Variants in EYS observed in about 807,000 individuals in gnomAD.
EYS encodes the protein protein eyes shut homolog.
A neutral mutation model predicts 282.1 loss-of-function variants in EYS; 250 were observed. That is an observed-to-expected ratio of 0.89 (90% CI 0.80 to 0.98). The LOEUF is 0.98. EYS is among the 50% of genes least tolerant of loss of function. The pLI is 0.00. For synonymous variants in EYS, 1,355 were observed against 1,282.9 expected, an observed-to-expected ratio of 1.06 and a Z score of -1.20; for missense variants, 4,016 against 3,709.0, an observed-to-expected ratio of 1.08 and a Z score of -2.15.
At chr6:64,069,912 A>G (rs1220301029) in intron 32 of EYS, among the ~76,000 whole-genome samples, 1 of 152,076 alleles carries the variant, frequency 6.6e-6, no homozygotes, top group Non-Finnish European at 1.5e-5. Flanking sequence ...AAGTAATTAT[A>G]TTTTTTTCAA....
At chr6:65,246,734 G>A (rs920037575) in intron 12 of EYS, among the ~76,000 whole-genome samples, 3 of 152,036 alleles carry the variant, frequency 2.0e-5, no homozygotes, top group African/African-American at 4.8e-5. Context: ...ATGCGTGCTC[G>A]CTCGCACTCT....
intron 31 of EYS, among the ~76,000 whole-genome samples, chr6:64,130,061 C>T (rs999335781): frequency 4.6e-5 from 7 of 152,054 alleles, no homozygotes; most frequent in African/African-American, 1.4e-4. Flanking sequence ...AGTCAGGTAG[C>T]GTGATGCCTC....
At chr6:63,988,346 A>G (rs1237838900) in intron 34 of EYS, among the ~76,000 whole-genome samples, 4 of 151,612 alleles carry the variant, frequency 2.6e-5, no homozygotes, top group African/African-American at 9.7e-5. Flanking sequence ...GAATGGAAGA[A>G]TACCCTCCTT....
intron 26 of EYS, among the ~76,000 whole-genome samples, chr6:64,572,343 G>C (rs953835639): frequency 6.6e-6 from 1 of 152,146 alleles, no homozygotes; most frequent in Non-Finnish European, 1.5e-5. Flanking sequence ...AAAGCTGGAC[G>C]CATTCCCTTT....
intron 1 of EYS, among the ~76,000 whole-genome samples, chr6:65,691,618 T>C (rs532366878): frequency 1.3e-5 from 2 of 150,630 alleles, no homozygotes; most frequent in Admixed American, 1.3e-4. Flanking sequence ...TGGCTTTTGT[T>C]GCCATTGCTT....
chr6:65,648,344 G>T (rs1428051922), intron 1 of EYS, among the ~76,000 whole-genome samples: 4 of 145,382 alleles, frequency 2.8e-5, no homozygotes, highest in Non-Finnish European at 6.2e-5. Context: ...GTGTGTGTGT[G>T]TGTGTGTATA....
At chr6:64,512,866 CA>C (rs910791329) in intron 26 of EYS, among the ~76,000 whole-genome samples, 2 of 151,768 alleles carry the variant, frequency 1.3e-5, no homozygotes, top group Non-Finnish European at 2.9e-5. Context: ...TCTAAAAAAG[CA>C]ATAAAACACT....
chr6:65,502,919 T>G (rs75383429), intron 2 of EYS, among the ~76,000 whole-genome samples: 1 of 151,700 alleles, frequency 6.6e-6, no homozygotes, highest in Non-Finnish European at 1.5e-5. Flanking sequence ...AATGTTAACC[T>G]TGATCACCTG....
At chr6:65,420,531 A>G (rs1767415321) in intron 5 of EYS, among the ~76,000 whole-genome samples, 1 of 146,804 alleles carries the variant, frequency 6.8e-6, no homozygotes, top group South Asian at 2.1e-4. Flanking sequence ...TGAAGGTTGG[A>G]ATTACTACCT....
At chr6:63,804,506 C>T (rs1054043654) in intron 37 of EYS, among the ~76,000 whole-genome samples, 1 of 152,182 alleles carries the variant, frequency 6.6e-6, no homozygotes, top group Non-Finnish European at 1.5e-5. Context: ...TCTCTAGAGC[C>T]TGCTCCCTTG....
In EYS at chr6:65,639,802, G is replaced by T. The variant is rs890952509; in HGVS notation, c.-357C>A. 3.3e-5 allele frequency: 5 copies of T among 152,120 alleles called. No homozygotes were observed. The highest frequency in any genetic ancestry group is 1.2e-4 in the African/African-American group (5 of 41,438). The allele number at this position is 152,120 out of a possible 1,614,324, so 9.4% of individuals were successfully genotyped here. ...CCTCAAGTACACAGGTTCCGTTGCTGTTTGAGATCAGTGTTTTATTTGCTA... is the reference window on the plus strand; with the variant it reads ...CCTCAAGTACACAGGTTCCGTTGCTTTTTGAGATCAGTGTTTTATTTGCTA... On this transcript the variant is annotated 5_prime_UTR_variant, in exon 2 of 43. Coordinates refer to ENST00000503581, the MANE Select transcript of EYS (RefSeq NM_001142800.2).
chr6:64,972,320 G>A (rs1351116166), intron 14 of EYS, among the ~76,000 whole-genome samples: 4 of 152,098 alleles, frequency 2.6e-5, no homozygotes, highest in Non-Finnish European at 2.9e-5. Flanking sequence ...GGCAGGAGAA[G>A]GATTGGTACT....
chr6:64,167,457 T>G (rs1764326191), intron 31 of EYS, among the ~76,000 whole-genome samples: 1 of 152,032 alleles, frequency 6.6e-6, no homozygotes, highest in African/African-American at 2.4e-5. Flanking sequence ...GCTTTTTTTC[T>G]TTCAAATTTA....
chr6:65,334,967 G>C lies in EYS; in HGVS notation c.1766+13C>G. 6.2e-7 allele frequency: 1 copy of C among 1,600,938 alleles called. No homozygotes were observed. Among genetic ancestry groups the C allele is most frequent in the Non-Finnish European group, 8.5e-7 (1 of 1,170,742 alleles). On this transcript the variant is annotated intron_variant, in intron 11 of 42. Transcript: ENST00000503581. ...GATATGTGATATTATCTGCTCAAATGATACATAAATACCTGGGTCTATTAA... is the reference window on the plus strand; with the variant it reads ...GATATGTGATATTATCTGCTCAAATCATACATAAATACCTGGGTCTATTAA...
intron 2 of EYS, among the ~76,000 whole-genome samples, chr6:65,568,308 C>CTT (rs61492530): frequency 1.4e-5 from 2 of 140,518 alleles, no homozygotes; most frequent in South Asian, 2.2e-4. Context: ...TCTTTTTTTT[C>CTT]TTTTTTTTTT....
At chr6:65,098,491 T>C (rs1242426527) in intron 12 of EYS, among the ~76,000 whole-genome samples, 1 of 150,784 alleles carries the variant, frequency 6.6e-6, no homozygotes, top group Non-Finnish European at 1.5e-5. Flanking sequence ...GTAAAGCTCT[T>C]AGTGCCAGAA....
At position 65,049,416 on chromosome 6, in the gene EYS, T is replaced by A. The variant is rs1163387028; in HGVS notation, c.2137+8198A>T. Among the ~76,000 whole-genome samples, 4 of 151,800 alleles carry A rather than the reference T, an allele frequency of 2.6e-5. No homozygotes were observed. In the East Asian group the frequency reaches 7.8e-4, roughly 30 times the overall value. On this transcript the variant is annotated intron_variant, in intron 13 of 42. Coordinates refer to ENST00000503581, the MANE Select transcript of EYS (RefSeq NM_001142800.2). ...GATATGCATGGCAGTTTAGCACTTA[T>A]CAATATATACTTCTTTCAATTTAAA... is the stretch of plus-strand genomic sequence containing the variant.
intron 37 of EYS, among the ~76,000 whole-genome samples, chr6:63,792,875 T>G (rs1770552466): frequency 6.6e-6 from 1 of 152,158 alleles, no homozygotes; most frequent in Non-Finnish European, 1.5e-5. Context: ...GAACTGTGTT[T>G]TGAAAGTGAA....
In EYS at chr6:64,010,119, C is replaced by CT. The variant is rs1768540020; in HGVS notation, c.6726-10937dup. Among the ~76,000 whole-genome samples the CT allele has an allele frequency of 2.0e-5, 3 of 152,184 alleles. 1 individual carries two copies. The South Asian group carries it at 6.2e-4, about 32-fold the overall frequency. ...CTGGCCCCTTGAGGTTATGAACCTG[C>CT]TGTGCTGGCAGGGCTGAGATATTTC... On this transcript the variant is annotated intron_variant, in intron 33 of 42. Coordinates refer to ENST00000503581, the MANE Select transcript of EYS (RefSeq NM_001142800.2).
Sources: allele counts gnomAD v4.1 joint callset (sites outside exome capture counted in the v4.1 genomes callset), GRCh38; gene constraint gnomAD v4.1.1; transcripts MANE v1.5; gene names NCBI Gene and HGNC (gene_info 2026-07-23, HGNC 2026-07-21).